LARGE1: variants seen among roughly 807,000 people sequenced by gnomAD.
LARGE1 encodes xylosyl- and glucuronyltransferase LARGE1.
Under a neutral mutation model 87.6 loss-of-function variants are expected in LARGE1, and 43 were observed. The observed-to-expected ratio is 0.49, with a 90% CI of 0.38 to 0.63. The LOEUF (loss-of-function observed/expected upper bound fraction) is 0.63. Among genes scored for constraint, LARGE1 ranks in the 30% least tolerant of loss-of-function variants. LARGE1 has a pLI of 0.00. For synonymous variants in LARGE1, 434 were observed against 394.6 expected, an observed-to-expected ratio of 1.10 and a Z score of -1.18; for missense variants, 802 against 1,000.2, an observed-to-expected ratio of 0.80 and a Z score of 2.67.
intron 6 of LARGE1, among the ~76,000 whole-genome samples, chr22:33,433,956 C>T (rs1160539453): frequency 1.3e-5 from 2 of 152,164 alleles, no homozygotes; most frequent in African/African-American, 2.4e-5. Flanking sequence ...GGCACAAATA[C>T]ATAAATCAGA....
intron 7 of LARGE1, among the ~76,000 whole-genome samples, chr22:33,429,533 T>C (rs16992327): frequency 0.031 from 4,761 of 152,270 alleles, 235 homozygotes; most frequent in African/African-American, 0.11. Flanking sequence ...AATTCCCTAG[T>C]GTGCTACATT....
At chr22:33,079,716 T>C in the LARGE1 span, among the ~76,000 whole-genome samples, 1,428 of 152,272 alleles carry the variant, frequency 9.4e-3, 15 homozygotes, top group South Asian at 0.025. Context: ...ACAAAGTTGG[T>C]TGGCAATAAA....
At chr22:33,130,671 C>T in the LARGE1 span, among the ~76,000 whole-genome samples, 1 of 152,080 alleles carries the variant, frequency 6.6e-6, no homozygotes, top group African/African-American at 2.4e-5. Flanking sequence ...AAAGTAAATA[C>T]TCAGCGAAAT....
intron 7 of LARGE1, among the ~76,000 whole-genome samples, chr22:33,390,265 T>C (rs9609775): frequency 0.21 from 32,413 of 152,094 alleles, 4,611 homozygotes; most frequent in African/African-American, 0.39. Context: ...ACAAAGCTTA[T>C]GAATTTCACT....
At chr22:33,753,761 A>G (rs2084406396) in intron 2 of LARGE1, among the ~76,000 whole-genome samples, 2 of 152,168 alleles carry the variant, frequency 1.3e-5, no homozygotes, top group South Asian at 4.1e-4. Context: ...GGCTACGTAT[A>G]AGAAAAGTAG....
At chr22:33,241,483 A>G (rs1275400894) in intron 11 of LARGE1, among the ~76,000 whole-genome samples, 1 of 152,070 alleles carries the variant, frequency 6.6e-6, no homozygotes, top group Non-Finnish European at 1.5e-5. Context: ...AAAGCCCTCC[A>G]TCATATGTAT....
intron 1 of LARGE1, among the ~76,000 whole-genome samples, chr22:33,878,294 C>A (rs1027222547): frequency 2.6e-5 from 4 of 151,410 alleles, no homozygotes; most frequent in Non-Finnish European, 5.9e-5. Flanking sequence ...CCCGCCATCA[C>A]GCCCAGCTAA....
intron 11 of LARGE1, among the ~76,000 whole-genome samples, chr22:33,209,666 G>T (rs755898854): frequency 6.6e-6 from 1 of 152,080 alleles, no homozygotes; most frequent in Non-Finnish European, 1.5e-5. Flanking sequence ...AAATAATAGA[G>T]ACAGGGTCTC....
At chr22:33,607,723 T>C (rs1299755819) in intron 4 of LARGE1, among the ~76,000 whole-genome samples, 2 of 152,202 alleles carry the variant, frequency 1.3e-5, no homozygotes, top group East Asian at 1.9e-4. Flanking sequence ...TGCTGCTGAA[T>C]GGGTGGGTCT....
intron 11 of LARGE1, among the ~76,000 whole-genome samples, chr22:33,261,007 A>G (rs1330191586): frequency 6.6e-6 from 1 of 152,182 alleles, no homozygotes; most frequent in Non-Finnish European, 1.5e-5. Context: ...TGAATTGCCC[A>G]AGGGAAGAAC....
intron 1 of LARGE1, among the ~76,000 whole-genome samples, chr22:33,764,581 A>C (rs1305156966): frequency 6.6e-6 from 1 of 152,054 alleles, no homozygotes; most frequent in Admixed American, 6.5e-5. Flanking sequence ...AACATGACGA[A>C]ACCCTGTCTC....
intron 6 of LARGE1, among the ~76,000 whole-genome samples, chr22:33,492,000 A>G (rs952239659): frequency 6.6e-6 from 1 of 152,216 alleles, no homozygotes; most frequent in Non-Finnish European, 1.5e-5. Context: ...GGAATATTTC[A>G]AAATAGAAAG....
intron 6 of LARGE1, among the ~76,000 whole-genome samples, chr22:33,547,297 C>T (rs2077387388): frequency 1.3e-5 from 2 of 152,058 alleles, no homozygotes; most frequent in Admixed American, 6.5e-5. Context: ...GGCATTAGCT[C>T]GATTTTCATA....
chr22:33,517,154 C>A (rs1225895653), intron 6 of LARGE1, among the ~76,000 whole-genome samples: 1 of 152,104 alleles, frequency 6.6e-6, no homozygotes, highest in African/African-American at 2.4e-5. Context: ...TACGTATTAA[C>A]TGATGATTCC....
At chr22:33,734,213 T>C (rs2083571067) in intron 2 of LARGE1, among the ~76,000 whole-genome samples, 1 of 152,208 alleles carries the variant, frequency 6.6e-6, no homozygotes. Flanking sequence ...CTAGTTTGAT[T>C]ATCTGCAAAG....
intron 3 of LARGE1, among the ~76,000 whole-genome samples, chr22:33,644,842 T>A (rs2080556720): frequency 6.6e-6 from 1 of 152,088 alleles, no homozygotes; most frequent in East Asian, 1.9e-4. Flanking sequence ...TACTGAGGAA[T>A]ACAACTTATA....
chr22:33,617,756 C>T (rs2079623183), intron 4 of LARGE1, among the ~76,000 whole-genome samples: 1 of 152,180 alleles, frequency 6.6e-6, no homozygotes. Context: ...CAATTCTACA[C>T]CAAAGAAGGA....
intron 2 of LARGE1, among the ~76,000 whole-genome samples, chr22:33,681,960 C>T (rs1047158676): frequency 1.2e-4 from 18 of 152,276 alleles, no homozygotes; most frequent in African/African-American, 4.1e-4. Context: ...CAGGAAAAGG[C>T]TAGATGCCTA....
At chr22:33,193,583 T>C (rs1367898557) in intron 11 of LARGE1, among the ~76,000 whole-genome samples, 3 of 152,058 alleles carry the variant, frequency 2.0e-5, no homozygotes, top group Non-Finnish European at 2.9e-5. Flanking sequence ...AGGTCAGGCA[T>C]GAGGTGGGCA....
Sources: gnomAD v4.1 joint callset for allele counts (sites outside exome capture counted in the v4.1 genomes callset) on GRCh38, gnomAD v4.1.1 for gene constraint, MANE v1.5 for transcripts, NCBI Gene and HGNC (gene_info 2026-07-23, HGNC 2026-07-21) for gene names.